The following PCYT2 variants were observed in gnomAD, a reference collection of about 807,000 sequenced individuals.
The protein encoded by PCYT2 is phosphate cytidylyltransferase 2, ethanolamine.
In PCYT2, 33 loss-of-function variants were observed where a neutral mutation model predicts 50.0. That is an observed-to-expected ratio of 0.66 (90% CI 0.50 to 0.88). The LOEUF (loss-of-function observed/expected upper bound fraction) is 0.88. Ranked by LOEUF, PCYT2 falls within the 40% of genes least tolerant of loss-of-function variation. The pLI, the probability that PCYT2 is intolerant of heterozygous loss-of-function variation, is 0.00. For missense variants in PCYT2, 430 were observed against 519.7 expected, an observed-to-expected ratio of 0.83 and a Z score of 1.68; for synonymous variants, 240 against 203.7, an observed-to-expected ratio of 1.18 and a Z score of -1.52.
rs1198235591 is a variant in PCYT2, at chr17:81,903,596, A to G, written c.*1237T>C. 6.6e-6 allele frequency: 1 copy of G among 152,092 alleles called. No homozygotes were observed. The highest frequency in any genetic ancestry group is 2.4e-5 in the African/African-American group (1 of 41,352). The allele number at this position is 152,092 out of a possible 1,614,324, so 9.4% of individuals were successfully genotyped here. Reference sequence around the variant, plus strand: ...TGAGTGGGAGCATTGGCACCACCCCACTCCTGAAAGCGGGGGCCTGGCAGG... The same window carrying G: ...TGAGTGGGAGCATTGGCACCACCCCGCTCCTGAAAGCGGGGGCCTGGCAGG... On this transcript the variant is annotated 3_prime_UTR_variant, in exon 13 of 13. Transcript: ENST00000538936.
rs1598325651 is a variant in PCYT2, at chr17:81,907,874, G to C, written c.408-17C>G. ...TTGCATTCTCTGGGGGACACAGTGG[G>C]AGTGGGGTCTCATCCTGGGACACTC... is the stretch of plus-strand genomic sequence containing the variant. On this transcript the variant is annotated splice_polypyrimidine_tract_variant and intron_variant, in intron 4 of 12. Coordinates refer to ENST00000538936, the MANE Select transcript of PCYT2 (RefSeq NM_002861.5). 1 of 1,591,912 alleles carries C rather than the reference G, an allele frequency of 6.3e-7. No individual in the cohort carries two copies.
chr17:81,906,632 C>T (rs1365790060), intron 7 of PCYT2, 86 bp from the exon 8 acceptor site: 3 of 1,574,838 alleles, frequency 1.9e-6, no homozygotes, highest in Non-Finnish European at 2.6e-6. Flanking sequence ...CCCCGCCATC[C>T]TCCCTGCTGA....
Position 81,902,589 on chromosome 17 carries a change from G to A in PCYT2, c.*2244C>T. 1.3e-6 allele frequency: 2 copies of A among 1,528,376 alleles called. No homozygotes were observed. Among genetic ancestry groups the A allele is most frequent in the East Asian group, 2.6e-5 (1 of 38,304 alleles). The allele number at this position is 1,528,376 out of a possible 1,614,324, so 94.7% of individuals were successfully genotyped here. On this transcript the variant is annotated 3_prime_UTR_variant, in exon 13 of 13. Transcript: ENST00000538936. ...GCAGGACGTGGGTGGGGGTGCGGCG[G>A]CCCCTCAGCCTTTGCTTGCCTGCCC...
At position 81,903,999 on chromosome 17, in the gene PCYT2, C is replaced by T. The variant is rs1266613211; in HGVS notation, c.*834G>A. The T allele has an allele frequency of 1.3e-5, 2 of 152,304 alleles. No individual in the cohort carries two copies. Among genetic ancestry groups the T allele is most frequent in the Non-Finnish European group, 2.9e-5 (2 of 68,076 alleles). 9.4% of individuals were successfully genotyped at this position (152,304 alleles called of 1,614,324 possible). A position where few individuals can be genotyped will look rare whatever the true frequency, so the allele number is the denominator to read the frequency against. The stretch of plus-strand genomic sequence containing the variant: ...GGTGTGGGAGACAGAGATCCCATGG[C>T]CCCTGGAGGGGCCAAGGGGCAAGGA... On this transcript the variant is annotated 3_prime_UTR_variant, in exon 13 of 13. Transcript: ENST00000538936.
At chr17:81,904,990 T>C (rs749397926) in intron 12 of PCYT2, 46 bp from the exon 13 acceptor site, 1 of 1,590,538 alleles carries the variant, frequency 6.3e-7, no homozygotes, top group Non-Finnish European at 8.6e-7. Context: ...ATGAGGCGGC[T>C]CCGAGGGGGA....
At chr17:81,908,723 C>G in intron 3 of PCYT2, 89 bp from the exon 4 acceptor site, 1 of 1,345,602 alleles carries the variant, frequency 7.4e-7, no homozygotes, top group Non-Finnish European at 1.1e-6. Flanking sequence ...CTGGCCTGCC[C>G]TAGTGTCCGC....
chr17:81,904,791 A>C lies in PCYT2; in HGVS notation c.*42T>G. ...TCCTATGTCCAAACGCAGAAGGCGC[A>C]GAAGCAGAGCAGGGGGAGGGCCGGC... On this transcript the variant is annotated 3_prime_UTR_variant, in exon 13 of 13. Coordinates refer to ENST00000538936, the MANE Select transcript of PCYT2 (RefSeq NM_002861.5). 7.3e-7 allele frequency: 1 copy of C among 1,365,248 alleles called. No individual in the cohort carries two copies. Among genetic ancestry groups the C allele is most frequent in the Non-Finnish European group, 1.0e-6 (1 of 973,120 alleles). 84.6% of individuals were successfully genotyped at this position (1,365,248 alleles called of 1,614,324 possible). A position where few individuals can be genotyped will look rare whatever the true frequency, so the allele number is the denominator to read the frequency against.
chr17:81,905,619 C>A, intron 10 of PCYT2, 51 bp downstream of exon 10: 1 of 1,570,628 alleles, frequency 6.4e-7, no homozygotes, highest in Non-Finnish European at 8.8e-7. Flanking sequence ...CCAGCCCATG[C>A]AGGAACAGAG....
rs2040461672 is a variant in PCYT2 at position 81,909,526 on chromosome 17, C to T, written c.166G>A (p.Val56Met). The T allele has an allele frequency of 2.5e-6, 4 of 1,612,800 alleles. No homozygotes were observed. Among genetic ancestry groups the T allele is most frequent in the Non-Finnish European group, 2.5e-6 (3 of 1,179,126 alleles). Residue 56 changes from valine (V) to methionine (M), a missense_variant, in exon 2 of 13, where the codon GTG becomes ATG. Physicochemically the swap from Val to Met is conservative, Grantham distance 21 (BLOSUM62 1). Around this residue, in one of 4 missense-constraint regions of PCYT2, gnomAD observed 117 missense variants for 163.9 expected, o/e 0.71. Coordinates refer to ENST00000538936, the MANE Select transcript of PCYT2 (RefSeq NM_002861.5). ...RAMGDYLIVG[V>M]HTDEEIAKHK... ...CATCTGTGCTTACCATCGGTGTGCA[C>T]GCCTACGATGAGGTAGTCACCCATG...
At chr17:81,905,549 C>G in intron 10 of PCYT2, 102 bp from the exon 11 acceptor site, 1 of 1,435,984 alleles carries the variant, frequency 7.0e-7, no homozygotes, top group South Asian at 1.2e-5. Flanking sequence ...TGACCCTGCC[C>G]TTTCCTCAGC....
rs1158541270 is a variant in PCYT2 at position 81,903,033 on chromosome 17, G to A, written c.*1800C>T. 4.5e-6 allele frequency: 2 copies of A among 443,394 alleles called. No individual in the cohort carries two copies. The highest frequency in any genetic ancestry group is 7.9e-6 in the Non-Finnish European group (2 of 251,944). The allele number at this position is 443,394 out of a possible 1,614,324, so 27.5% of individuals were successfully genotyped here. On this transcript the variant is annotated 3_prime_UTR_variant, in exon 13 of 13. Transcript: ENST00000538936. ...CAAGGTTGGCCTGGGCCGCCCAGAGGTCTTCAGACCCAGGGGCGAAGCTGG... is the reference window on the plus strand; with the variant it reads ...CAAGGTTGGCCTGGGCCGCCCAGAGATCTTCAGACCCAGGGGCGAAGCTGG...
Position 81,905,711 on chromosome 17 carries a change from C to G in PCYT2, c.862G>C (p.Ala288Pro). Residue 288 changes from alanine (A) to proline (P), a missense_variant, in exon 10 of 13, where the codon GCC (alanine) becomes CCC (proline). Around this residue, in one of 4 missense-constraint regions of PCYT2, gnomAD observed 248 missense variants for 300.2 expected, o/e 0.83. Transcript: ENST00000538936. ...AGCTCTGCTGTGACCGCGTACGGGG[C>G]TCCAATCACCACTTCTGACACGTAC... ...CRYVSEVVIGAPYAVTAELLS... is the reference protein window; with the variant it reads ...CRYVSEVVIGPPYAVTAELLS... 6.2e-7 allele frequency: 1 copy of G among 1,613,630 alleles called. No homozygotes were observed. The highest frequency in any genetic ancestry group is 1.3e-5 in the African/African-American group (1 of 75,044).
rs1415254318 is a variant in PCYT2, at chr17:81,911,298, T to C, written c.58A>G (p.Arg20Gly). ...GGAEQPGPGG[R>G]RAVRVWCDGC... ...TCGCACCACACCCTCACGGCGCGCC[T>C]GCCCCCCGGGCCCGGCTGCTCTGCG... Residue 20 changes from arginine (R) to glycine (G), a missense_variant, in exon 1 of 13, where the codon AGG (arginine) becomes GGG (glycine). Transcript: ENST00000538936. 1.8e-6 allele frequency: 2 copies of C among 1,113,604 alleles called. No individual in the cohort carries two copies. The highest frequency in any genetic ancestry group is 1.1e-6 in the Non-Finnish European group (1 of 905,130). The allele number at this position is 1,113,604 out of a possible 1,614,324, so 69.0% of individuals were successfully genotyped here. A position where few individuals can be genotyped will look rare whatever the true frequency, so the allele number is the denominator to read the frequency against.
In PCYT2 at chr17:81,902,346, C is replaced by T. The variant is rs1289144404; in HGVS notation, c.*2487G>A. On this transcript the variant is annotated 3_prime_UTR_variant, in exon 13 of 13. Coordinates refer to ENST00000538936, the MANE Select transcript of PCYT2 (RefSeq NM_002861.5). ...GCCTGCTGCTGGCGCCGCCTGGCCTCGCGTGGTACAAGCCAGCGGCGGGGC... is the reference window on the plus strand; with the variant it reads ...GCCTGCTGCTGGCGCCGCCTGGCCTTGCGTGGTACAAGCCAGCGGCGGGGC... The T allele has an allele frequency of 6.7e-6, 9 of 1,341,598 alleles. No individual in the cohort carries two copies. The South Asian group carries it at 1.6e-4, about 24-fold the overall frequency. The allele number at this position is 1,341,598 out of a possible 1,614,324, so 83.1% of individuals were successfully genotyped here. A position where few individuals can be genotyped will look rare whatever the true frequency, so the allele number is the denominator to read the frequency against.
chr17:81,908,467 G>C, intron 4 of PCYT2, 101 bp downstream of exon 4: 4 of 859,688 alleles, frequency 4.7e-6, no homozygotes, highest in Non-Finnish European at 7.5e-6. Context: ...CCCAGGGCCT[G>C]GACGCTCCCC....
At chr17:81,909,672 G>T in intron 1 of PCYT2, 70 bp from the exon 2 acceptor site, 1 of 1,177,798 alleles carries the variant, frequency 8.5e-7, no homozygotes, top group Non-Finnish European at 1.3e-6. Context: ...TGGGTTAGGG[G>T]CAGAGCTTTG....
rs1366626260 is a variant in PCYT2, at chr17:81,904,804, G to C, written c.*29C>G. On this transcript the variant is annotated 3_prime_UTR_variant, in exon 13 of 13. Transcript: ENST00000538936. ...CGCAGAAGGCGCAGAAGCAGAGCAG[G>C]GGGAGGGCCGGCCAGGGCCTCTGCC... The C allele has an allele frequency of 6.8e-7, 1 of 1,468,134 alleles. No homozygotes were observed. 90.9% of individuals were successfully genotyped at this position (1,468,134 alleles called of 1,614,324 possible).
Position 81,902,705 on chromosome 17 carries a change from A to AC in PCYT2, c.*2127dup, listed in dbSNP as rs755297965. ...CGCGGGACCTACCAGTGCAAGGCGA[A>AC]CGTCTTCCTGTCCCTGCGCGCAGCC... is the stretch of plus-strand genomic sequence containing the variant. On this transcript the variant is annotated 3_prime_UTR_variant, in exon 13 of 13. Transcript: ENST00000538936. The AC allele has an allele frequency of 6.2e-7, 1 of 1,609,134 alleles. No individual in the cohort carries two copies. Among genetic ancestry groups the AC allele is most frequent in the Non-Finnish European group, 8.5e-7 (1 of 1,178,898 alleles).
chr17:81,911,157 C>T, intron 1 of PCYT2, 110 bp downstream of exon 1: 5 of 1,004,874 alleles, frequency 5.0e-6, no homozygotes, highest in Non-Finnish European at 5.9e-6. Context: ...CCATGCCGGA[C>T]GAGGACGCCA....
Sources: allele counts gnomAD v4.1 joint callset, GRCh38; gene constraint gnomAD v4.1.1; regional missense constraint gnomAD v4.1.1; transcripts MANE v1.5; gene names NCBI Gene and HGNC (gene_info 2026-07-23, HGNC 2026-07-21).